The following EYS variants were observed in gnomAD, a reference collection of about 807,000 sequenced individuals.
EYS encodes EGF-like photoreceptor maintenance factor.
In EYS, 250 loss-of-function variants were observed where a neutral mutation model predicts 282.1. That is an observed-to-expected ratio of 0.89 (90% CI 0.80 to 0.98). The LOEUF (loss-of-function observed/expected upper bound fraction) is 0.98, where lower values mean the gene tolerates loss of function less well. Ranked by LOEUF, EYS falls within the 50% of genes least tolerant of loss-of-function variation. The pLI is 0.00. For synonymous variants in EYS, 1,355 were observed against 1,282.9 expected (o/e 1.06, Z -1.20); for missense variants, 4,016 against 3,709.0 (o/e 1.08, Z -2.15).
chr6:64,815,014 G>A (rs9453066), intron 21 of EYS, among the ~76,000 whole-genome samples: 6,522 of 151,944 alleles, frequency 0.043, 179 homozygotes, highest in Non-Finnish European at 0.063. Context: ...TTAATATCAT[G>A]TATCCACTGG....
At chr6:64,545,308 CA>C (rs1764820481) in intron 26 of EYS, among the ~76,000 whole-genome samples, 2 of 152,050 alleles carry the variant, frequency 1.3e-5, no homozygotes, top group Non-Finnish European at 2.9e-5. Flanking sequence ...AGGCCTTTGA[CA>C]AAATTCAACG....
At chr6:64,221,074 G>T (rs186132545) in intron 31 of EYS, among the ~76,000 whole-genome samples, 1 of 152,104 alleles carries the variant, frequency 6.6e-6, no homozygotes, top group Non-Finnish European at 1.5e-5. Flanking sequence ...TCACAGAATT[G>T]GTGTGTGGAA....
rs1765393264 is a variant in EYS, at chr6:65,377,001, ACT to A, written c.1299+7383_1299+7384del. ...ATTAACAAGGATATTCAGGACTTGA[ACT>A]CACCTCTGGACCAAGCAGCCCTAGT... On this transcript the variant is annotated intron_variant, in intron 8 of 42. Transcript: ENST00000503581. Among the ~76,000 whole-genome samples, 3 of 152,292 alleles carry A rather than the reference ACT, an allele frequency of 2.0e-5. No individual in the cohort carries two copies. In the South Asian group the frequency reaches 6.2e-4, roughly 32 times the overall value.
intron 12 of EYS, among the ~76,000 whole-genome samples, chr6:65,107,039 G>C (rs1265612568): frequency 1.3e-5 from 2 of 151,976 alleles, no homozygotes; most frequent in Non-Finnish European, 2.9e-5. Context: ...GAGTGATGTG[G>C]TGAGAGTCAC....
intron 13 of EYS, among the ~76,000 whole-genome samples, chr6:65,033,298 A>G (rs1342899867): frequency 6.6e-6 from 1 of 152,200 alleles, no homozygotes; most frequent in Admixed American, 6.5e-5. Flanking sequence ...GAGGAATTCA[A>G]GTAGCCTGTG....
chr6:64,990,697 T>G (rs1343024222), intron 14 of EYS, among the ~76,000 whole-genome samples: 1 of 151,634 alleles, frequency 6.6e-6, no homozygotes, highest in Non-Finnish European at 1.5e-5. Context: ...AAGTTAATAC[T>G]GCTTCATGGA....
chr6:64,630,349 G>A (rs555357917), intron 22 of EYS, among the ~76,000 whole-genome samples: 3 of 152,168 alleles, frequency 2.0e-5, no homozygotes, highest in Non-Finnish European at 4.4e-5. Context: ...CACCTGCCTC[G>A]GACTCCCAAA....
intron 33 of EYS, among the ~76,000 whole-genome samples, chr6:64,039,031 C>T (rs1770260989): frequency 6.6e-6 from 1 of 152,162 alleles, no homozygotes; most frequent in Admixed American, 6.5e-5. Flanking sequence ...TCTCAAACTC[C>T]TGACCTCAGA....
chr6:65,666,954 A>G (rs189492036), intron 1 of EYS, among the ~76,000 whole-genome samples: 3 of 150,194 alleles, frequency 2.0e-5, no homozygotes, highest in East Asian at 2.2e-4. Context: ...TTGCCACCCA[A>G]TGTAAAAAAA....
At chr6:64,778,581 TG>T (rs148741028) in intron 22 of EYS, among the ~76,000 whole-genome samples, 3,183 of 152,232 alleles carry the variant, frequency 0.021, 111 homozygotes, top group African/African-American at 0.072. Context: ...CTAAAAAATG[TG>T]GCTTGGTCAA....
chr6:65,400,800 T>C (rs1431607046), intron 7 of EYS, among the ~76,000 whole-genome samples: 8 of 151,958 alleles, frequency 5.3e-5, no homozygotes, highest in South Asian at 2.1e-4. Flanking sequence ...TTTCCACATT[T>C]GACTCCTTTT....
chr6:64,627,204 G>T (rs1355146770), intron 22 of EYS, among the ~76,000 whole-genome samples: 1 of 152,192 alleles, frequency 6.6e-6, no homozygotes, highest in African/African-American at 2.4e-5. Flanking sequence ...CTCTGTGTCT[G>T]CCTTCAAGAA....
At chr6:64,092,699 A>C (rs372134866) in intron 31 of EYS, among the ~76,000 whole-genome samples, 28 of 151,712 alleles carry the variant, frequency 1.8e-4, no homozygotes, top group Non-Finnish European at 1.6e-4. Context: ...CCCATTTTGT[A>C]GGTTGCCTGT....
chr6:64,796,201 G>T (rs1446217677), intron 22 of EYS, among the ~76,000 whole-genome samples: 1 of 152,136 alleles, frequency 6.6e-6, no homozygotes, highest in Non-Finnish European at 1.5e-5. Flanking sequence ...AATCATAGAA[G>T]ATTATGCTTT....
intron 12 of EYS, among the ~76,000 whole-genome samples, chr6:65,067,228 GT>G (rs1179133541): frequency 1.3e-5 from 2 of 151,980 alleles, no homozygotes; most frequent in Admixed American, 6.6e-5. Context: ...CCTGCAGCAG[GT>G]CATTTTTAAA....
intron 22 of EYS, among the ~76,000 whole-genome samples, chr6:64,712,936 A>C (rs1176307511): frequency 1.3e-5 from 2 of 152,200 alleles, no homozygotes; most frequent in East Asian, 3.9e-4. Flanking sequence ...AAAGCCACAC[A>C]TCAAAACAAC....
intron 26 of EYS, among the ~76,000 whole-genome samples, chr6:64,519,244 G>GC (rs1442245145): frequency 6.6e-6 from 1 of 151,648 alleles, no homozygotes; most frequent in Non-Finnish European, 1.5e-5. Flanking sequence ...AACGGCACCT[G>GC]CGAGGGATTA....
At chr6:63,988,058 T>C (rs1245572110) in intron 34 of EYS, among the ~76,000 whole-genome samples, 2 of 151,642 alleles carry the variant, frequency 1.3e-5, no homozygotes, top group African/African-American at 4.8e-5. Flanking sequence ...GGTGATTATC[T>C]TTGTGTATGT....
intron 2 of EYS, among the ~76,000 whole-genome samples, chr6:65,608,549 A>AT (rs1765884030): frequency 6.6e-6 from 1 of 151,748 alleles, no homozygotes; most frequent in South Asian, 2.1e-4. Flanking sequence ...AATATATTTC[A>AT]TTTTTTCAAT....
Sources: gnomAD v4.1 joint callset for allele counts (sites outside exome capture counted in the v4.1 genomes callset) on GRCh38, gnomAD v4.1.1 for gene constraint, MANE v1.5 for transcripts, NCBI Gene and HGNC (gene_info 2026-07-23, HGNC 2026-07-21) for gene names.